The following GAB2 variants were observed in gnomAD, a reference collection of about 807,000 sequenced individuals.
GAB2 encodes the protein GRB2-associated-binding protein 2.
A neutral mutation model predicts 65.5 loss-of-function variants in GAB2; 26 were observed. The ratio of observed to expected loss-of-function variants is 0.40; its 90% CI spans 0.29 to 0.55. The LOEUF is 0.55. Among genes scored for constraint, GAB2 ranks in the 20% least tolerant of loss-of-function variants. The pLI, the probability that GAB2 is intolerant of heterozygous loss-of-function variation, is 0.53. For missense variants in GAB2, 884 were observed against 875.8 expected (o/e 1.01, Z -0.12); for synonymous variants, 321 against 329.6 (o/e 0.97, Z 0.28).
intron 1 of GAB2, among the ~76,000 whole-genome samples, chr11:78,291,720 G>A (rs141395908): frequency 1.6e-4 from 23 of 148,028 alleles, no homozygotes; most frequent in Admixed American, 7.5e-4. Context: ...CACAGGATGC[G>A]CCATCATACC....
intron 1 of GAB2, among the ~76,000 whole-genome samples, chr11:78,307,643 T>A (rs1240378245): frequency 1.0e-4 from 11 of 107,968 alleles, no homozygotes; most frequent in Admixed American, 2.8e-4. Context: ...AGATGTTGAG[T>A]CAAAAGATAC....
chr11:78,320,839 G>A (rs1368363711), intron 1 of GAB2, among the ~76,000 whole-genome samples: 2 of 151,614 alleles, frequency 1.3e-5, no homozygotes, highest in Non-Finnish European at 1.5e-5. Context: ...CCAAAGTGCT[G>A]GGGTTACAGG....
At chr11:78,278,171 G>A (rs1315958675) in intron 2 of GAB2, among the ~76,000 whole-genome samples, 1 of 151,416 alleles carries the variant, frequency 6.6e-6, no homozygotes, top group African/African-American at 2.4e-5. Context: ...CCAGGTTCGA[G>A]CGATTCTTCT....
rs141879899 is a variant in GAB2 at position 78,415,118 on chromosome 11, C to A, written c.75+2528G>T. Reference sequence around the variant, plus strand: ...AACTTCTGACCTCCAGTGATCCACCCGCCTCAGCCTCCCAAAGTGCTGGGA... The same window carrying A: ...AACTTCTGACCTCCAGTGATCCACCAGCCTCAGCCTCCCAAAGTGCTGGGA... On this transcript the variant is annotated intron_variant, in intron 1 of 9. Transcript: ENST00000361507. 1.8e-3 allele frequency among the ~76,000 whole-genome samples: 281 copies of A among 152,336 alleles called. 1 individual carries two copies. The highest frequency in any genetic ancestry group is 6.6e-3 in the African/African-American group (274 of 41,574).
intron 2 of GAB2, among the ~76,000 whole-genome samples, chr11:78,252,926 C>T (rs1009745712): frequency 3.3e-5 from 5 of 151,870 alleles, no homozygotes; most frequent in South Asian, 2.1e-4. Flanking sequence ...TGTTTCTCAG[C>T]AACCATGTCA....
chr11:78,243,076 C>A (rs756100399), intron 3 of GAB2, among the ~76,000 whole-genome samples: 1 of 151,586 alleles, frequency 6.6e-6, no homozygotes, highest in African/African-American at 2.4e-5. Flanking sequence ...GCATGAAAAT[C>A]GCTGGAACCT....
At chr11:78,243,637 G>C (rs937908584) in intron 3 of GAB2, among the ~76,000 whole-genome samples, 2 of 151,604 alleles carry the variant, frequency 1.3e-5, no homozygotes. Context: ...TCAGGGGATC[G>C]AGACCATCCT....
chr11:78,381,072 C>G (rs141887409), intron 1 of GAB2, among the ~76,000 whole-genome samples: 412 of 152,294 alleles, frequency 2.7e-3, no homozygotes, highest in African/African-American at 9.4e-3. Flanking sequence ...CAAATAGACT[C>G]TACTTAATCG....
intron 1 of GAB2, among the ~76,000 whole-genome samples, chr11:78,405,530 CTACTA>C (rs1206457841): frequency 6.6e-6 from 1 of 152,080 alleles, no homozygotes; most frequent in Non-Finnish European, 1.5e-5. Flanking sequence ...GTAATTGCCA[CTACTA>C]TACTATATGT....
chr11:78,336,186 C>G (rs376180365), intron 1 of GAB2, among the ~76,000 whole-genome samples: 1 of 151,502 alleles, frequency 6.6e-6, no homozygotes, highest in African/African-American at 2.4e-5. Flanking sequence ...TAGTGGTGCA[C>G]GCCTGTAGTC....
chr11:78,235,903 G>A (rs183582633), intron 3 of GAB2, among the ~76,000 whole-genome samples: 1 of 152,144 alleles, frequency 6.6e-6, no homozygotes, highest in African/African-American at 2.4e-5. Context: ...CACATTTTTG[G>A]TATCTTTTCA....
At chr11:78,294,061 C>T (rs1483216655) in intron 1 of GAB2, among the ~76,000 whole-genome samples, 2 of 152,154 alleles carry the variant, frequency 1.3e-5, no homozygotes, top group Non-Finnish European at 2.9e-5. Flanking sequence ...ATGCTATCCC[C>T]TCCCCGCTCC....
chr11:78,405,732 GA>G (rs1857035184), intron 1 of GAB2, among the ~76,000 whole-genome samples: 1 of 152,116 alleles, frequency 6.6e-6, no homozygotes, highest in South Asian at 2.1e-4. Context: ...AGGGACCCTG[GA>G]ACCCAAGGAA....
Position 78,258,748 on chromosome 11 carries a change from C to T in GAB2, c.377-8348G>A, listed in dbSNP as rs576175393. ...AAAGTGCTGGAACTATAGGCATGCA[C>T]CACCATGCCTGGCCTGAATATATAA... On this transcript the variant is annotated intron_variant, in intron 2 of 9. Coordinates refer to ENST00000361507, the MANE Select transcript of GAB2 (RefSeq NM_080491.3). Among the ~76,000 whole-genome samples the T allele has an allele frequency of 1.7e-3, 266 of 152,066 alleles. 2 individuals are homozygous for T. The highest frequency in any genetic ancestry group is 6.8e-3 in the Middle Eastern group (2 of 294).
chr11:78,280,196 G>T (rs1207151385), intron 2 of GAB2, among the ~76,000 whole-genome samples: 1 of 152,176 alleles, frequency 6.6e-6, no homozygotes, highest in African/African-American at 2.4e-5. Context: ...GTGCAGGATG[G>T]CCTGAAATGG....
intron 6 of GAB2, 42 bp from the exon 7 acceptor site, chr11:78,222,237 T>C (rs372615423): frequency 8.7e-6 from 11 of 1,262,908 alleles, no homozygotes; most frequent in Non-Finnish European, 1.3e-5. Flanking sequence ...CCAGTAATGA[T>C]AATGCTACAC....
At chr11:78,368,848 G>A (rs1323001116) in intron 1 of GAB2, among the ~76,000 whole-genome samples, 2 of 152,076 alleles carry the variant, frequency 1.3e-5, no homozygotes, top group Non-Finnish European at 2.9e-5. Flanking sequence ...AGGCTGAGGT[G>A]GGAGAATTGC....
At chr11:78,267,151 G>A (rs1452518251) in intron 2 of GAB2, among the ~76,000 whole-genome samples, 1 of 152,176 alleles carries the variant, frequency 6.6e-6, no homozygotes, top group Non-Finnish European at 1.5e-5. Context: ...ACTACAGGCA[G>A]GTTATCAGGG....
At chr11:78,405,485 G>C (rs1857031927) in intron 1 of GAB2, among the ~76,000 whole-genome samples, 1 of 152,072 alleles carries the variant, frequency 6.6e-6, no homozygotes, top group South Asian at 2.1e-4. Flanking sequence ...TCTGTGCTCA[G>C]TTTCTCCTCT....
Sources: gnomAD v4.1 joint callset for allele counts (sites outside exome capture counted in the v4.1 genomes callset) on GRCh38, gnomAD v4.1.1 for gene constraint, MANE v1.5 for transcripts, NCBI Gene and HGNC (gene_info 2026-07-23, HGNC 2026-07-21) for gene names.